BCL11B: variants seen among roughly 807,000 people sequenced by gnomAD.
The protein encoded by BCL11B is BCL11 transcription factor B, also known as B-cell lymphoma/leukemia 11B.
A neutral mutation model predicts 49.9 loss-of-function variants in BCL11B; 8 were observed. The ratio of observed to expected loss-of-function variants is 0.16; its 90% CI spans 0.09 to 0.29. BCL11B has a LOEUF of 0.29. Among genes scored for constraint, BCL11B ranks in the 10% least tolerant of loss-of-function variants. BCL11B has a pLI of 1.00. For missense variants in BCL11B, 1,006 were observed against 1,351.0 expected (o/e 0.74, Z 4.00); for synonymous variants, 739 against 637.4 (o/e 1.16, Z -2.40).
At chr14:99,203,719 G>A (rs1351080703) in intron 3 of BCL11B, among the ~76,000 whole-genome samples, 1 of 152,134 alleles carries the variant, frequency 6.6e-6, no homozygotes, top group Non-Finnish European at 1.5e-5. Flanking sequence ...GCTCTGTGCT[G>A]GACAAGAGAG....
chr14:99,208,897 C>T (rs1050301622), intron 3 of BCL11B, among the ~76,000 whole-genome samples: 33 of 152,210 alleles, frequency 2.2e-4, no homozygotes, highest in African/African-American at 7.7e-4. Flanking sequence ...CAGCCACATA[C>T]ACTGCAGCCA....
chr14:99,182,652 G>A (rs117975357), intron 3 of BCL11B, among the ~76,000 whole-genome samples: 45 of 152,324 alleles, frequency 3.0e-4, no homozygotes, highest in South Asian at 1.0e-3. Flanking sequence ...GGTAATAGCA[G>A]TGGTACTATG....
At chr14:99,258,021 A>G (rs1323450062) in intron 1 of BCL11B, among the ~76,000 whole-genome samples, 182 bp from the exon 2 acceptor site, 1 of 152,174 alleles carries the variant, frequency 6.6e-6, no homozygotes, top group Non-Finnish European at 1.5e-5. Context: ...CACAGGACAG[A>G]TGGGCACACT....
intron 2 of BCL11B, among the ~76,000 whole-genome samples, chr14:99,238,636 G>A (rs1025437487): frequency 6.6e-6 from 1 of 152,174 alleles, no homozygotes; most frequent in African/African-American, 2.4e-5. Flanking sequence ...TTTGCAGGGG[G>A]TAGGGGGGCG....
intron 3 of BCL11B, among the ~76,000 whole-genome samples, chr14:99,208,330 G>A (rs1337818053): frequency 6.6e-6 from 1 of 152,128 alleles, no homozygotes; most frequent in Non-Finnish European, 1.5e-5. Flanking sequence ...GGACTTCCCT[G>A]AGCCCCAGAT....
At position 99,169,909 on chromosome 14, in the gene BCL11B, AAGTTGTGGC is replaced by A. The variant is rs1886232900; in HGVS notation, c.*4233_*4241del. 4.4e-6 allele frequency: 1 copy of A among 229,714 alleles called. No individual in the cohort carries two copies. Among genetic ancestry groups the A allele is most frequent in the Admixed American group, 5.7e-5 (1 of 17,630 alleles). The allele number at this position is 229,714 out of a possible 1,614,324, so 14.2% of individuals were successfully genotyped here. On this transcript the variant is annotated 3_prime_UTR_variant, in exon 4 of 4. Coordinates refer to ENST00000357195, the MANE Select transcript of BCL11B (RefSeq NM_138576.4). ...TTCCAATTGGGGGCAACTTTGAACA[AAGTTGTGGC>A]AGTGCGGAAACCGGCCTGAGGTCGG...
chr14:99,195,835 G>A lies in BCL11B; in HGVS notation c.641-19640C>T, dbSNP rs1404936516. On this transcript the variant is annotated intron_variant, in intron 3 of 3. Transcript: ENST00000357195. The surrounding 1 kb of genome is among the most constrained non-coding windows in gnomAD (Gnocchi z 4.7). ...GTGCTCAGCCAACACCTGCTAGACT[G>A]AGCTGACACAGCCCTCCTGCCTGCT... is the stretch of plus-strand genomic sequence containing the variant. Among the ~76,000 whole-genome samples the A allele has an allele frequency of 6.6e-6, 1 of 152,122 alleles. No homozygotes were observed. The highest frequency in any genetic ancestry group is 2.4e-5 in the African/African-American group (1 of 41,422).
At chr14:99,180,388 A>G (rs1048321786) in intron 3 of BCL11B, among the ~76,000 whole-genome samples, 2 of 152,106 alleles carry the variant, frequency 1.3e-5, no homozygotes, top group African/African-American at 4.8e-5. Flanking sequence ...CATTTTTTGT[A>G]TCCACTGACA....
intron 2 of BCL11B, among the ~76,000 whole-genome samples, chr14:99,254,476 C>T (rs964041015): frequency 2.0e-5 from 3 of 152,112 alleles, no homozygotes; most frequent in African/African-American, 7.2e-5. Flanking sequence ...CGGGGACCTG[C>T]CTGGGTATCA....
intron 3 of BCL11B, among the ~76,000 whole-genome samples, chr14:99,179,073 T>C (rs1361941268): frequency 2.6e-5 from 4 of 152,188 alleles, no homozygotes; most frequent in African/African-American, 4.8e-5. Flanking sequence ...GCTCTACAGC[T>C]GAAATGGCCA....
At chr14:99,255,405 G>GAA (rs67440207) in intron 2 of BCL11B, among the ~76,000 whole-genome samples, 1 of 65,182 alleles carries the variant, frequency 1.5e-5, no homozygotes, top group African/African-American at 6.2e-5. Context: ...TCACAACCTG[G>GAA]AAAAAAAAAA....
At chr14:99,181,563 C>T (rs935418613) in intron 3 of BCL11B, among the ~76,000 whole-genome samples, 5 of 152,174 alleles carry the variant, frequency 3.3e-5, no homozygotes, top group Non-Finnish European at 5.9e-5. Flanking sequence ...CAAATGGCCA[C>T]GAAGGAGGTT....
chr14:99,219,901 T>C (rs1327434445), intron 3 of BCL11B, among the ~76,000 whole-genome samples: 3 of 151,480 alleles, frequency 2.0e-5, no homozygotes, highest in Non-Finnish European at 4.4e-5. Context: ...GACCCTCAAC[T>C]AAAATATACT....
chr14:99,234,958 C>A (rs1019900175), intron 2 of BCL11B, among the ~76,000 whole-genome samples: 1 of 151,540 alleles, frequency 6.6e-6, no homozygotes, highest in Non-Finnish European at 1.5e-5. Flanking sequence ...ATTCTTGATG[C>A]CTTCATGGGT....
rs117627746 is a variant in BCL11B at position 99,255,038 on chromosome 14, T to C, written c.427+2433A>G. Among the ~76,000 whole-genome samples, 1,188 of 152,282 alleles carry C rather than the reference T, an allele frequency of 7.8e-3. 10 individuals are homozygous for C. The highest frequency in any genetic ancestry group is 0.012 in the Non-Finnish European group (841 of 68,022). On this transcript the variant is annotated intron_variant, in intron 2 of 3. Transcript: ENST00000357195. ...GCTCCCACCATATTAAATTACTTTA[T>C]ACATTTGAGCCACTGAAGTTTTCTT...
chr14:99,267,802 G>A (rs372011237), intron 1 of BCL11B, among the ~76,000 whole-genome samples: 11 of 152,210 alleles, frequency 7.2e-5, no homozygotes, highest in Admixed American at 3.3e-4. Flanking sequence ...TTACAAAATC[G>A]TGAATTCATA....
chr14:99,252,863 CT>C (rs1341943473), intron 2 of BCL11B, among the ~76,000 whole-genome samples: 3 of 152,240 alleles, frequency 2.0e-5, no homozygotes, highest in Admixed American at 6.5e-5. Flanking sequence ...AGCGCCTCCC[CT>C]TCAGTGACTA....
chr14:99,264,315 C>G (rs968417936), intron 1 of BCL11B: 8 of 149,798 alleles, frequency 5.3e-5, no homozygotes, highest in Non-Finnish European at 8.9e-5. Context: ...TAATTCTTAG[C>G]AGTGCATCCA....
At chr14:99,237,183 C>A (rs1454168007) in intron 2 of BCL11B, among the ~76,000 whole-genome samples, 1 of 150,632 alleles carries the variant, frequency 6.6e-6, no homozygotes, top group Non-Finnish European at 1.5e-5. Context: ...TTGAGGGTGA[C>A]TCAAAAAATA....
Sources: gnomAD v4.1 joint callset for allele counts (sites outside exome capture counted in the v4.1 genomes callset) on GRCh38, gnomAD v4.1.1 for gene constraint, Gnocchi (gnomAD v3.1) non-coding constraint, MANE v1.5 for transcripts, NCBI Gene and HGNC (gene_info 2026-07-23, HGNC 2026-07-21) for gene names.